The following FYB1 variants were observed in gnomAD, a reference collection of about 807,000 sequenced individuals.
FYB1 encodes the protein FYN-binding protein 1.
FYB1 carries 41 observed loss-of-function variants against 94.1 expected under a neutral mutation model. The observed-to-expected ratio is 0.44, with a 90% CI of 0.34 to 0.57. FYB1 has a LOEUF of 0.57. FYB1 is among the 20% of genes least tolerant of loss of function. The pLI is 0.02. For synonymous variants in FYB1, 367 were observed against 353.2 expected, an observed-to-expected ratio of 1.04 and a Z score of -0.44; for missense variants, 1,050 against 976.8, an observed-to-expected ratio of 1.07 and a Z score of -1.00.
rs1418148308 is a variant in FYB1 at position 39,135,010 on chromosome 5, G to C, written c.1520C>G (p.Thr507Arg). 1.2e-6 allele frequency: 2 copies of C among 1,612,170 alleles called. No individual in the cohort carries two copies. Among genetic ancestry groups the C allele is most frequent in the Admixed American group, 3.4e-5 (2 of 59,630 alleles). The change falls in exon 8 of 19, where the codon ACA becomes AGA. Residue 507 changes from threonine (T) to arginine (R), a missense_variant. Transcript: ENST00000512982. Reference protein sequence around the residue: ...EQEIKKKFKLTGPIQVIHLAK... With the variant: ...EQEIKKKFKLRGPIQVIHLAK... ...AAGATGGATGACTTGAATAGGGCCT[G>C]TTAGCTGCAAAGAGAAAAAAATAGT...
chr5:39,221,460 G>A (rs564897686), upstream of FYB1, among the ~76,000 whole-genome samples: 139 of 152,314 alleles, frequency 9.1e-4, 3 homozygotes, highest in African/African-American at 3.1e-3. Context: ...AACCACTATA[G>A]AGATAGACAC....
Position 39,210,035 on chromosome 5 carries a change from G to A in FYB1, c.-27-7048C>T, listed in dbSNP as rs143030264. Among the ~76,000 whole-genome samples, 163 of 152,354 alleles carry A rather than the reference G, an allele frequency of 1.1e-3. 1 individual carries two copies. In the Middle Eastern group the frequency reaches 0.014, roughly 13 times the overall value. On this transcript the variant is annotated intron_variant, in intron 1 of 18. Coordinates refer to ENST00000512982, the MANE Select transcript of FYB1 (RefSeq NM_001465.6). ...AACAGGATGTGGGAACTTGACTCTC[G>A]CCGCAAATTAAGTTCTTGGGGCGGG...
rs1157259913 is a variant in FYB1 at position 39,118,885 on chromosome 5, T to A, written c.2390A>T (p.Glu797Val). The change falls in exon 16 of 19, where the codon GAA becomes GTA. Residue 797 changes from glutamate (E) to valine (V), a missense_variant. Physicochemically the swap from Glu to Val is moderately radical, Grantham distance 121. Coordinates refer to ENST00000512982, the MANE Select transcript of FYB1 (RefSeq NM_001465.6). The part of the protein sequence containing the change: ...TDDTKVLCRN[E>V]EGKYGYVLRS... ...AAGCAGTGACTTACATTTCCCTTCT[T>A]CATTTCTGCAGAGAACTTTTGTGTC... The A allele has an allele frequency of 6.6e-7, 1 of 1,516,292 alleles. No individual in the cohort carries two copies. Among genetic ancestry groups the A allele is most frequent in the Admixed American group, 2.0e-5 (1 of 49,282 alleles). The allele number at this position is 1,516,292 out of a possible 1,614,324, so 93.9% of individuals were successfully genotyped here. A position where few individuals can be genotyped will look rare whatever the true frequency, so the allele number is the denominator to read the frequency against.
At chr5:39,168,537 G>A (rs1393229505) in intron 2 of FYB1, among the ~76,000 whole-genome samples, 3 of 152,034 alleles carry the variant, frequency 2.0e-5, no homozygotes, top group East Asian at 1.9e-4. Flanking sequence ...CCACAGTTAG[G>A]TTATCAATTG....
chr5:39,186,724 A>T (rs1177272740), intron 2 of FYB1, among the ~76,000 whole-genome samples: 3 of 125,146 alleles, frequency 2.4e-5, no homozygotes, highest in Non-Finnish European at 3.2e-5. Context: ...ATCTATTTCC[A>T]TTGGGTCTTT....
chr5:39,111,054 T>C (rs944790996), intron 16 of FYB1, among the ~76,000 whole-genome samples: 4 of 152,116 alleles, frequency 2.6e-5, no homozygotes, highest in East Asian at 1.9e-4. Flanking sequence ...CCTGGTTAAG[T>C]AGAAAATAAG....
intron 1 of FYB1, among the ~76,000 whole-genome samples, chr5:39,206,255 C>T (rs1243423836): frequency 6.6e-6 from 1 of 152,170 alleles, no homozygotes; most frequent in Non-Finnish European, 1.5e-5. Flanking sequence ...AATCAGTAGC[C>T]TGAACTCTGC....
intron 6 of FYB1, 134 bp downstream of exon 6, chr5:39,138,523 A>G (rs974877368): frequency 3.5e-5 from 18 of 509,508 alleles, no homozygotes; most frequent in African/African-American, 3.4e-4. Flanking sequence ...AAATTGAAAT[A>G]AAAGTTATTA....
intron 2 of FYB1, among the ~76,000 whole-genome samples, chr5:39,192,896 C>A (rs1303476145): frequency 6.6e-6 from 1 of 152,218 alleles, no homozygotes; most frequent in East Asian, 1.9e-4. Context: ...ATCTACCTTT[C>A]TCATAGGCCA....
intron 2 of FYB1, among the ~76,000 whole-genome samples, chr5:39,165,727 C>T (rs1436432362): frequency 6.6e-6 from 1 of 152,160 alleles, no homozygotes; most frequent in Non-Finnish European, 1.5e-5. Context: ...AAAACATTTG[C>T]AAGCTATGCA....
intron 8 of FYB1, 126 bp downstream of exon 8, chr5:39,134,729 C>G: frequency 1.1e-6 from 1 of 919,662 alleles, no homozygotes; most frequent in South Asian, 1.7e-5. Flanking sequence ...TTAACATTTT[C>G]CTCCCTTTGT....
intron 1 of FYB1, among the ~76,000 whole-genome samples, chr5:39,246,810 T>C (rs1388178659): frequency 6.6e-6 from 1 of 151,808 alleles, no homozygotes; most frequent in Non-Finnish European, 1.5e-5. Context: ...GACAAAGACA[T>C]GGTGAGGAGC....
chr5:39,170,359 C>A, intron 2 of FYB1: 2 of 1,031,468 alleles, frequency 1.9e-6, no homozygotes, highest in Non-Finnish European at 2.8e-6. Context: ...ATCCTATTGG[C>A]AAACCTGAGG....
chr5:39,117,703 A>G (rs1739702951), intron 16 of FYB1, among the ~76,000 whole-genome samples: 1 of 152,070 alleles, frequency 6.6e-6, no homozygotes, highest in Non-Finnish European at 1.5e-5. Flanking sequence ...CCTTCCTCCC[A>G]TTAAAATTAA....
chr5:39,216,815 T>C (rs1187990281), intron 1 of FYB1, among the ~76,000 whole-genome samples: 1 of 152,236 alleles, frequency 6.6e-6, no homozygotes, highest in Non-Finnish European at 1.5e-5. Flanking sequence ...GCATTTCACC[T>C]GCACTTAGAA....
chr5:39,134,123 G>T (rs1741446015), intron 9 of FYB1, 85 bp downstream of exon 9: 1 of 1,010,004 alleles, frequency 9.9e-7, no homozygotes, highest in Admixed American at 2.1e-5. Flanking sequence ...AGGAGTTATG[G>T]AGGGTAAAAT....
chr5:39,260,755 T>A (rs1404527532), intron 1 of FYB1, among the ~76,000 whole-genome samples: 1 of 152,170 alleles, frequency 6.6e-6, no homozygotes, highest in African/African-American at 2.4e-5. Flanking sequence ...AGACCTATAC[T>A]GTATACATCG....
Position 39,134,962 on chromosome 5 carries a change from T to A in FYB1, c.1568A>T (p.Lys523Ile), listed in dbSNP as rs770878983. The A allele has an allele frequency of 6.2e-7, 1 of 1,613,864 alleles. No homozygotes were observed. The highest frequency in any genetic ancestry group is 1.3e-5 in the African/African-American group (1 of 74,918). Residue 523 changes from lysine to isoleucine, a missense_variant, in exon 8 of 19, where the codon AAA becomes ATA. Transcript: ENST00000512982. The part of the protein sequence containing the change: ...IHLAKACCDV[K>I]GGKNELSFKQ... ...GAAGCTCAGTTCATTCTTTCCTCCT[T>A]TGACATCACAACAAGCTTTTGCAAG...
chr5:39,176,864 A>T (rs1204922296), intron 2 of FYB1, among the ~76,000 whole-genome samples: 2 of 152,332 alleles, frequency 1.3e-5, no homozygotes, highest in East Asian at 3.9e-4. Context: ...GTAGGCAGCT[A>T]AAAGAAATGC....
Sources: allele counts gnomAD v4.1 joint callset (sites outside exome capture counted in the v4.1 genomes callset), GRCh38; gene constraint gnomAD v4.1.1; transcripts MANE v1.5; gene names NCBI Gene and HGNC (gene_info 2026-07-23, HGNC 2026-07-21).